The following PTPN12 variants were observed in gnomAD, a reference collection of about 807,000 sequenced individuals.
PTPN12 encodes protein tyrosine phosphatase non-receptor type 12, also known as tyrosine-protein phosphatase non-receptor type 12.
A neutral mutation model predicts 97.6 loss-of-function variants in PTPN12; 29 were observed. That is an observed-to-expected ratio of 0.30 (90% confidence interval 0.22 to 0.41). The LOEUF (loss-of-function observed/expected upper bound fraction) is 0.41. Among genes scored for constraint, PTPN12 ranks in the 10% least tolerant of loss-of-function variants. The pLI is 1.00. For missense variants in PTPN12, 819 were observed against 926.0 expected, an observed-to-expected ratio of 0.88 and a Z score of 1.50; for synonymous variants, 327 against 300.4, an observed-to-expected ratio of 1.09 and a Z score of -0.91.
intron 8 of PTPN12, chr7:77,604,778 C>A: frequency 4.1e-6 from 1 of 243,516 alleles, no homozygotes; most frequent in Non-Finnish European, 8.3e-6. Flanking sequence ...GATAAATATC[C>A]AATATGTTTA....
intron 15 of PTPN12, among the ~76,000 whole-genome samples, 163 bp downstream of exon 15, chr7:77,636,012 T>A (rs1451242991): frequency 6.6e-6 from 1 of 152,162 alleles, no homozygotes; most frequent in Non-Finnish European, 1.5e-5. Flanking sequence ...AAAGCCCATA[T>A]AAAAGGTAGG....
chr7:77,627,669 G>C lies in PTPN12; in HGVS notation c.1990G>C (p.Glu664Gln). The part of the protein sequence containing the change: ...NIAGTTHSGA[E>Q]KDVDVSEDSP... ...AGCAGGAACAACACATTCAGGTGCTGAAAAAGGTAATAATATAGTGTCAAA... is the reference window on the plus strand; with the variant it reads ...AGCAGGAACAACACATTCAGGTGCTCAAAAAGGTAATAATATAGTGTCAAA... Residue 664 changes from glutamate (E) to glutamine (Q), a missense_variant, in exon 13 of 18, where the codon GAA becomes CAA. Around this residue, in one of 5 missense-constraint regions of PTPN12, gnomAD observed 607 missense variants for 577.3 expected, o/e 1.05. Transcript: ENST00000248594. The C allele has an allele frequency of 6.4e-7, 1 of 1,563,396 alleles. No individual in the cohort carries two copies. The highest frequency in any genetic ancestry group is 8.6e-7 in the Non-Finnish European group (1 of 1,158,228).
intron 12 of PTPN12, among the ~76,000 whole-genome samples, chr7:77,625,253 G>GTTT (rs141984662): frequency 1.4e-5 from 2 of 139,340 alleles, no homozygotes; most frequent in Non-Finnish European, 1.6e-5. Flanking sequence ...TTCTTCTTTG[G>GTTT]TTTTTTTTTT....
chr7:77,558,210 CAAAAAA>C (rs61149538), intron 1 of PTPN12, among the ~76,000 whole-genome samples: 19 of 93,614 alleles, frequency 2.0e-4, no homozygotes, highest in African/African-American at 5.9e-4. Flanking sequence ...GACTCCATCT[CAAAAAA>C]AAAAAAAAAA....
intron 1 of PTPN12, among the ~76,000 whole-genome samples, chr7:77,565,708 T>G (rs1307286055): frequency 1.3e-5 from 2 of 152,230 alleles, no homozygotes; most frequent in African/African-American, 4.8e-5. Flanking sequence ...GAGAATCCAT[T>G]TATTGATTTA....
Position 77,625,472 on chromosome 7 carries a change from G to GCTCGCGCTCTCTCTCTCTCT in PTPN12, c.1026-1230_1026-1229insGCGCTCTCTCTCTCTCTCTC. Among the ~76,000 whole-genome samples the GCTCGCGCTCTCTCTCTCTCT allele has an allele frequency of 6.6e-3, 222 of 33,508 alleles. 44 individuals carry two copies. Among genetic ancestry groups the GCTCGCGCTCTCTCTCTCTCT allele is most frequent in the East Asian group, 0.028 (25 of 882 alleles). 22.0% of individuals were successfully genotyped at this position (33,508 alleles called of 152,430 possible). ...TTTTGCCATATTGCCCAGGCTGCTC[G>GCTCGCGCTCTCTCTCTCTCT]CTCTCTCTCTCTCTCTCTCTCTCTC... On this transcript the variant is annotated intron_variant, in intron 12 of 17. Transcript: ENST00000248594.
intron 4 of PTPN12, among the ~76,000 whole-genome samples, chr7:77,584,872 G>A (rs1241666324): frequency 2.1e-5 from 3 of 145,452 alleles, no homozygotes; most frequent in East Asian, 2.0e-4. Context: ...GCGAGACTCC[G>A]TCTCAAAAAA....
chr7:77,569,648 G>A (rs902415300), intron 1 of PTPN12, among the ~76,000 whole-genome samples: 11 of 152,132 alleles, frequency 7.2e-5, no homozygotes, highest in Middle Eastern at 3.2e-3. Context: ...GCACGCATCT[G>A]TAATTCCAGC....
intron 1 of PTPN12, among the ~76,000 whole-genome samples, chr7:77,539,049 T>C (rs1436247177): frequency 2.0e-5 from 3 of 152,216 alleles, no homozygotes; most frequent in Non-Finnish European, 2.9e-5. Flanking sequence ...CAGCAAACAT[T>C]GGCTAGTTTT....
At chr7:77,541,291 C>G (rs1361522812) in intron 1 of PTPN12, among the ~76,000 whole-genome samples, 1 of 152,150 alleles carries the variant, frequency 6.6e-6, no homozygotes, top group Non-Finnish European at 1.5e-5. Flanking sequence ...AGGGTTTCCC[C>G]ATGTTGCCCA....
In PTPN12 at chr7:77,592,235, T is replaced by C. The variant is rs1269498188; in HGVS notation, c.471T>C (p.Phe157=). Residue 157 remains phenylalanine, a synonymous_variant, in exon 6 of 18, where the codon TTT becomes TTC. Transcript: ENST00000248594. ...WPLYGEDPIT[F]APFKISCEDE... is the part of the protein sequence containing the mutation. ...TGTATGGAGAAGACCCCATAACGTT[T>C]GCACCATTTAAAATTTCTTGTGTAA... The C allele has an allele frequency of 2.5e-6, 4 of 1,608,666 alleles. No individual in the cohort carries two copies. Among genetic ancestry groups the C allele is most frequent in the Non-Finnish European group, 3.4e-6 (4 of 1,178,618 alleles).
At chr7:77,613,728 G>A (rs6973323) in intron 11 of PTPN12, among the ~76,000 whole-genome samples, 27,510 of 151,584 alleles carry the variant, frequency 0.18, 2,914 homozygotes, top group African/African-American at 0.29. Context: ...CAGACTCACG[G>A]GTACATCACC....
In PTPN12 at chr7:77,631,199, T is replaced by C. The variant is rs550300099; in HGVS notation, c.1997-1149T>C. On this transcript the variant is annotated intron_variant, in intron 13 of 17. Coordinates refer to ENST00000248594, the MANE Select transcript of PTPN12 (RefSeq NM_002835.4). ...CTACTGGATAAGGTAGATAGTTCTTTAGTGGCAAGAGAGAGTTCTGGTACT... is the reference window on the plus strand; with the variant it reads ...CTACTGGATAAGGTAGATAGTTCTTCAGTGGCAAGAGAGAGTTCTGGTACT... 3.3e-5 allele frequency among the ~76,000 whole-genome samples: 5 copies of C among 152,266 alleles called. No homozygotes were observed. The East Asian group carries it at 9.6e-4, about 29-fold the overall frequency.
intron 5 of PTPN12, among the ~76,000 whole-genome samples, chr7:77,591,713 A>T (rs532686197): frequency 6.6e-6 from 1 of 152,338 alleles, no homozygotes; most frequent in South Asian, 2.1e-4. Context: ...GAGTAGAATT[A>T]GTACTTGCAA....
Position 77,618,581 on chromosome 7 carries a change from G to A in PTPN12, c.1025+16G>A, listed in dbSNP as rs1469267000. On this transcript the variant is annotated intron_variant, in intron 12 of 17. Coordinates refer to ENST00000248594, the MANE Select transcript of PTPN12 (RefSeq NM_002835.4). ...GGACCCGCAGGTATTGTATGTCTTC[G>A]AACATTTTCTTTAAAAGCATACTTG... 2.8e-5 allele frequency: 43 copies of A among 1,536,668 alleles called. No homozygotes were observed. The highest frequency in any genetic ancestry group is 3.3e-5 in the Non-Finnish European group (37 of 1,118,260).
At chr7:77,609,037 T>C (rs906461091) in intron 9 of PTPN12, among the ~76,000 whole-genome samples, 1 of 152,110 alleles carries the variant, frequency 6.6e-6, no homozygotes, top group South Asian at 2.1e-4. Flanking sequence ...CTGGCCAACA[T>C]GGTGAAACCC....
intron 13 of PTPN12, among the ~76,000 whole-genome samples, chr7:77,631,973 C>T (rs951874721): frequency 2.6e-5 from 4 of 152,136 alleles, no homozygotes; most frequent in Non-Finnish European, 5.9e-5. Flanking sequence ...GTTTGGGAAA[C>T]ACTGGCTTAG....
At chr7:77,581,064 T>G (rs1266266872) in intron 2 of PTPN12, among the ~76,000 whole-genome samples, 5 of 151,794 alleles carry the variant, frequency 3.3e-5, no homozygotes, top group Non-Finnish European at 7.4e-5. Context: ...TTTTGTTTTG[T>G]TTTTTTGCTG....
rs191911754 is a variant in PTPN12, at chr7:77,544,256, C to A, written c.99+6611C>A. On this transcript the variant is annotated intron_variant, in intron 1 of 17. Coordinates refer to ENST00000248594, the MANE Select transcript of PTPN12 (RefSeq NM_002835.4). ...GGTTAGCTTGTAAGATTTTGTGTGT[C>A]TTAATTTGTCTTTCAAAGCTAGAGT... is the stretch of plus-strand genomic sequence containing the variant. Among the ~76,000 whole-genome samples, 46 of 152,250 alleles carry A rather than the reference C, an allele frequency of 3.0e-4. No individual in the cohort carries two copies. The East Asian group carries it at 8.1e-3, about 27-fold the overall frequency.
Sources: allele counts gnomAD v4.1 joint callset (sites outside exome capture counted in the v4.1 genomes callset), GRCh38; gene constraint gnomAD v4.1.1; regional missense constraint gnomAD v4.1.1; transcripts MANE v1.5; gene names NCBI Gene and HGNC (gene_info 2026-07-23, HGNC 2026-07-21).